CCDC77: variants seen among roughly 807,000 people sequenced by gnomAD.
CCDC77 encodes the protein coiled-coil domain-containing protein 77.
CCDC77 carries 56 observed loss-of-function variants against 66.8 expected under a neutral mutation model. That is an observed-to-expected ratio of 0.84 (90% CI 0.68 to 1.05). The LOEUF is 1.05. Among genes scored for constraint, CCDC77 ranks in the 50% least tolerant of loss-of-function variants. The pLI is 0.00. For missense variants in CCDC77, 570 were observed against 576.8 expected, an observed-to-expected ratio of 0.99 and a Z score of 0.12; for synonymous variants, 196 against 195.2, an observed-to-expected ratio of 1.00 and a Z score of -0.03.
chr12:433,451 A>T, intron 9 of CCDC77, 129 bp downstream of exon 9: 1 of 1,453,586 alleles, frequency 6.9e-7, no homozygotes, highest in Non-Finnish European at 9.1e-7. Flanking sequence ...TGTCTTCCTC[A>T]GAAACCCCCG....
At chr12:412,170 T>A (rs1024490146) in intron 4 of CCDC77, among the ~76,000 whole-genome samples, 192 bp downstream of exon 4, 1 of 152,208 alleles carries the variant, frequency 6.6e-6, no homozygotes, top group African/African-American at 2.4e-5. Context: ...TCTCAAATCT[T>A]AAATTCTGAC....
chr12:402,642 T>C, intron 1 of CCDC77, among the ~76,000 whole-genome samples: 1 of 152,182 alleles, frequency 6.6e-6, no homozygotes, highest in South Asian at 2.1e-4. Context: ...GGCTAACAAA[T>C]TGGATTTAAT....
In CCDC77 at chr12:414,373, A is replaced by G. The variant is rs190186614; in HGVS notation, c.270+2395A>G. Among the ~76,000 whole-genome samples the G allele has an allele frequency of 1.8e-3, 271 of 152,310 alleles. 7 individuals are homozygous for G. Among genetic ancestry groups the G allele is most frequent in the African/African-American group, 5.9e-3 (247 of 41,570 alleles). On this transcript the variant is annotated intron_variant, in intron 4 of 12. Coordinates refer to ENST00000239830, the MANE Select transcript of CCDC77 (RefSeq NM_032358.4). ...CTGAAGTGCTGGGATTACAGGCGTG[A>G]GCCTGGCCTCCTTTCTTGATTTCTG... is the stretch of plus-strand genomic sequence containing the variant.
Position 440,780 on chromosome 12 carries a change from T to C in CCDC77, c.1167+38T>C, listed in dbSNP as rs1271308064. On this transcript the variant is annotated intron_variant, in intron 11 of 12. Transcript: ENST00000239830. ...CTGCCACTTGTAATGGAATAGGAAG[T>C]GCAGATGGCTGGGGAAGACGCTTCC... 4 of 1,613,318 alleles carry C rather than the reference T, an allele frequency of 2.5e-6. No homozygotes were observed. The South Asian group carries it at 3.3e-5, about 13-fold the overall frequency.
In CCDC77 at chr12:442,051, C is replaced by A; in HGVS notation, c.*131C>A. On this transcript the variant is annotated 3_prime_UTR_variant, in exon 13 of 13. Transcript: ENST00000239830. ...GTGGTATTCATTATTGTAAAGACAG[C>A]TTGAAGAATCGGGGACCACTAGGAA... 1 of 952,220 alleles carries A rather than the reference C, an allele frequency of 1.1e-6. No individual in the cohort carries two copies. The highest frequency in any genetic ancestry group is 1.6e-6 in the Non-Finnish European group (1 of 630,550). 59.0% of individuals were successfully genotyped at this position (952,220 alleles called of 1,614,324 possible). A position where few individuals can be genotyped will look rare whatever the true frequency, so the allele number is the denominator to read the frequency against.
intron 1 of CCDC77, among the ~76,000 whole-genome samples, chr12:393,605 C>T (rs1944789234): frequency 1.3e-5 from 2 of 151,602 alleles, no homozygotes; most frequent in Non-Finnish European, 2.9e-5. Context: ...GATCTCAGCT[C>T]ATTGCAACCT....
intron 2 of CCDC77, among the ~76,000 whole-genome samples, chr12:406,297 G>T (rs966526167): frequency 4.6e-5 from 7 of 152,150 alleles, no homozygotes; most frequent in Non-Finnish European, 1.0e-4. Context: ...TCAAGAAAGT[G>T]ACATTTTAGC....
chr12:426,096 C>T (rs1945524121), intron 5 of CCDC77, among the ~76,000 whole-genome samples: 1 of 152,214 alleles, frequency 6.6e-6, no homozygotes, highest in Admixed American at 6.5e-5. Flanking sequence ...AACTCCCGAC[C>T]TCGTGGTCCA....
chr12:393,595 G>C lies in CCDC77; in HGVS notation c.-113+4109G>C, dbSNP rs12306875. ...CCCCCAGGCTGGAGTGCAATGGTGC[G>C]ATCTCAGCTCATTGCAACCTCTGCC... On this transcript the variant is annotated intron_variant, in intron 1 of 11. Coordinates refer to the CCDC77 transcript ENST00000422000. Among the ~76,000 whole-genome samples, 16 of 150,918 alleles carry C rather than the reference G, an allele frequency of 1.1e-4. 1 individual carries two copies. The South Asian group carries it at 3.1e-3, about 30-fold the overall frequency.
intron 1 of CCDC77, among the ~76,000 whole-genome samples, chr12:402,823 A>G (rs1944922562): frequency 6.6e-6 from 1 of 152,244 alleles, no homozygotes; most frequent in African/African-American, 2.4e-5. Flanking sequence ...TCATATGGTT[A>G]GACAGGAGGT....
At chr12:390,736 AACACAC>A (rs58938735) in intron 1 of CCDC77, among the ~76,000 whole-genome samples, 7 of 149,460 alleles carry the variant, frequency 4.7e-5, no homozygotes, top group East Asian at 3.9e-4. Flanking sequence ...TATCTTTATA[AACACAC>A]ACACACACAC....
Position 409,362 on chromosome 12 carries a change from T to C in CCDC77, c.-16-6T>C, listed in dbSNP as rs765257911. 1 of 1,609,120 alleles carries C rather than the reference T, an allele frequency of 6.2e-7. No homozygotes were observed. The highest frequency in any genetic ancestry group is 1.7e-5 in the Admixed American group (1 of 59,990). ...CCGTAATTATGAATTTTTGTGTATTTGATAGGTGTGAAAAAGACAGCATGA... is the reference window on the plus strand; with the variant it reads ...CCGTAATTATGAATTTTTGTGTATTCGATAGGTGTGAAAAAGACAGCATGA... On this transcript the variant is annotated splice_region_variant and splice_polypyrimidine_tract_variant and intron_variant, in intron 2 of 12. Coordinates refer to ENST00000239830, the MANE Select transcript of CCDC77 (RefSeq NM_032358.4).
rs778734287 is a variant in CCDC77 at position 441,940 on chromosome 12, C to A, written c.*20C>A. The A allele has an allele frequency of 6.2e-7, 1 of 1,612,686 alleles. No individual in the cohort carries two copies. Among genetic ancestry groups the A allele is most frequent in the African/African-American group, 1.3e-5 (1 of 74,974 alleles). ...TGTTAATGTCTACTTTTGGAAATGG[C>A]CCCCATTTAGAAGAGGTGTGCTTCT... On this transcript the variant is annotated 3_prime_UTR_variant, in exon 13 of 13. Coordinates refer to ENST00000239830, the MANE Select transcript of CCDC77 (RefSeq NM_032358.4).
chr12:397,658 T>C (rs1944845605), upstream of CCDC77, among the ~76,000 whole-genome samples: 1 of 152,196 alleles, frequency 6.6e-6, no homozygotes, highest in Non-Finnish European at 1.5e-5. Context: ...AAATGCTTTT[T>C]TTTTTTGAGA....
In CCDC77 at chr12:427,457, G is replaced by GT. The variant is rs944942482; in HGVS notation, c.414-1304dup. Among the ~76,000 whole-genome samples, 15 of 145,030 alleles carry GT rather than the reference G, an allele frequency of 1.0e-4. No homozygotes were observed. The East Asian group carries it at 2.0e-3, about 20-fold the overall frequency. ...TCGCTCTGAAATCCCTTTTTATGTT[G>GT]TTTTTTTTAATTAATTAATTTTTTT... On this transcript the variant is annotated intron_variant, in intron 5 of 12. Coordinates refer to ENST00000239830, the MANE Select transcript of CCDC77 (RefSeq NM_032358.4).
chr12:409,058 C>T (rs538490142), intron 2 of CCDC77, among the ~76,000 whole-genome samples: 90 of 151,780 alleles, frequency 5.9e-4, no homozygotes, highest in Non-Finnish European at 8.7e-4. Flanking sequence ...AACAAAAATT[C>T]GCCAGGCGTA....
rs754152141 is a variant in CCDC77, at chr12:405,491, C to T, written c.-70-20C>T. ...TTACCCATAATCCTTCCATGCCAAT[C>T]CAATAACTTTATTTTCTAGGTTATT... On this transcript the variant is annotated intron_variant, in intron 1 of 12. Coordinates refer to ENST00000239830, the MANE Select transcript of CCDC77 (RefSeq NM_032358.4). 1.3e-5 allele frequency: 2 copies of T among 152,104 alleles called. No individual in the cohort carries two copies. The highest frequency in any genetic ancestry group is 1.5e-5 in the Non-Finnish European group (1 of 68,022). 9.4% of individuals were successfully genotyped at this position (152,104 alleles called of 1,614,324 possible). A position where few individuals can be genotyped will look rare whatever the true frequency, so the allele number is the denominator to read the frequency against.
At chr12:392,470 A>G (rs1944768469) in intron 1 of CCDC77, among the ~76,000 whole-genome samples, 1 of 152,156 alleles carries the variant, frequency 6.6e-6, no homozygotes, top group African/African-American at 2.4e-5. Context: ...GAGGCCAGGC[A>G]CGGTGGCTCA....
At chr12:422,594 A>T (rs1945424301) in intron 5 of CCDC77, among the ~76,000 whole-genome samples, 2 of 152,196 alleles carry the variant, frequency 1.3e-5, no homozygotes, top group Admixed American at 6.5e-5. Context: ...CATGTGTCAG[A>T]ATTTTCTTCC....
Sources: allele counts gnomAD v4.1 joint callset (sites outside exome capture counted in the v4.1 genomes callset), GRCh38; gene constraint gnomAD v4.1.1; transcripts MANE v1.5; gene names NCBI Gene and HGNC (gene_info 2026-07-23, HGNC 2026-07-21).